AOX1: variants seen among roughly 807,000 people sequenced by gnomAD.
AOX1 encodes aldehyde oxidase 1.
AOX1 carries 153 observed loss-of-function variants against 169.5 expected under a neutral mutation model. The observed-to-expected ratio is 0.90, with a 90% CI of 0.79 to 1.03. The LOEUF is 1.03. Among genes scored for constraint, AOX1 ranks in the 50% least tolerant of loss-of-function variants. The pLI, the probability that AOX1 is intolerant of heterozygous loss-of-function variation, is 0.00. For missense variants in AOX1, 1,656 were observed against 1,663.9 expected, an observed-to-expected ratio of 1.00 and a Z score of 0.08; for synonymous variants, 562 against 581.9, an observed-to-expected ratio of 0.97 and a Z score of 0.49.
At chr2:200,681,717 G>A (rs1267103654), downstream of AOX1, among the ~76,000 whole-genome samples, 1 of 152,144 alleles carries the variant, frequency 6.6e-6, no homozygotes, top group Admixed American at 6.5e-5. Context: ...TTTTCCACAT[G>A]ACTGTTACAT....
Position 200,620,673 on chromosome 2 carries a change from T to G in AOX1, c.1728T>G (p.Pro576=). Residue 576 remains proline (P), a synonymous_variant, in exon 17 of 35, where the codon CCT becomes CCG. Transcript: ENST00000374700. ...KYQNIGPKQH[P]EDPIGHPIMH... The stretch of plus-strand genomic sequence containing the variant: ...AGAATATAGGCCCAAAGCAGCATCC[T>G]GAAGACCCAATTGGCCACCCCATCA... The G allele has an allele frequency of 6.4e-7, 1 of 1,561,374 alleles. No homozygotes were observed. Among genetic ancestry groups the G allele is most frequent in the Non-Finnish European group, 8.6e-7 (1 of 1,163,526 alleles).
Position 200,664,901 on chromosome 2 carries a change from C to T in AOX1, c.3544-1786C>T, listed in dbSNP as rs185527418. On this transcript the variant is annotated intron_variant, in intron 31 of 34. Transcript: ENST00000374700. The stretch of plus-strand genomic sequence containing the variant: ...ACACCACTTCTGAGGGGCTGGCCTC[C>T]GGGAGTGGCTTATCTGGGTGATTCT... Among the ~76,000 whole-genome samples, 68 of 152,314 alleles carry T rather than the reference C, an allele frequency of 4.5e-4. 1 individual carries two copies. The highest frequency in any genetic ancestry group is 1.6e-3 in the African/African-American group (66 of 41,572).
At chr2:200,655,012 G>A (rs1442344115) in intron 26 of AOX1, among the ~76,000 whole-genome samples, 1 of 152,132 alleles carries the variant, frequency 6.6e-6, no homozygotes, top group African/African-American at 2.4e-5. Flanking sequence ...ACACAATGTT[G>A]GAAAAGTATA....
chr2:200,641,508 G>A (rs942865405), intron 24 of AOX1, among the ~76,000 whole-genome samples: 8 of 151,986 alleles, frequency 5.3e-5, no homozygotes, highest in African/African-American at 9.7e-5. Context: ...CCTGCTCATT[G>A]TACCATCTTT....
In AOX1 at chr2:200,668,778, A is replaced by G; in HGVS notation, c.3773A>G (p.Asn1258Ser). ...LHIALLPPSQ[N>S]SNTLYSSKGL... is the part of the protein sequence containing the mutation. ...ATTGCTTTGTTGCCTCCTTCTCAAA[A>G]CTCAAATACTCTTTATTCATCTAAG... The change falls in exon 33 of 35, where the codon AAC becomes AGC. Residue 1258 changes from asparagine (N) to serine (S), a missense_variant. Physicochemically the swap from Asn to Ser is conservative, Grantham distance 46 (BLOSUM62 1). Coordinates refer to ENST00000374700, the MANE Select transcript of AOX1 (RefSeq NM_001159.4). 1 of 1,613,968 alleles carries G rather than the reference A, an allele frequency of 6.2e-7. No individual in the cohort carries two copies. Among genetic ancestry groups the G allele is most frequent in the South Asian group, 1.1e-5 (1 of 91,060 alleles).
Position 200,604,058 on chromosome 2 carries a change from G to A in AOX1, c.630G>A (p.Leu210=). Residue 210 remains leucine (L), a synonymous_variant, in exon 8 of 35, where the codon TTG becomes TTA. Coordinates refer to ENST00000374700, the MANE Select transcript of AOX1 (RefSeq NM_001159.4). ...TCGCAGAAGAGGAGTTTCTGCCATT[G>A]GATCCAACCCAGGAACTGATATTTC... ...KLFAEEEFLP[L]DPTQELIFPP... The A allele has an allele frequency of 6.2e-7, 1 of 1,613,500 alleles. No homozygotes were observed. The highest frequency in any genetic ancestry group is 8.5e-7 in the Non-Finnish European group (1 of 1,179,476).
chr2:200,638,348 A>G (rs571161046), intron 23 of AOX1, 46 bp downstream of exon 23: 2 of 1,559,032 alleles, frequency 1.3e-6, no homozygotes, highest in African/African-American at 1.4e-5. Flanking sequence ...TGTAGATACA[A>G]CATCCTATCA....
chr2:200,669,307 T>C (rs1248634211), intron 33 of AOX1, among the ~76,000 whole-genome samples: 1 of 152,020 alleles, frequency 6.6e-6, no homozygotes, highest in African/African-American at 2.4e-5. Flanking sequence ...TAGCCAGGTG[T>C]GGCGGTGCAT....
intron 2 of AOX1, 36 bp from the exon 3 acceptor site, chr2:200,595,236 C>T (rs371197625): frequency 7.0e-5 from 108 of 1,540,262 alleles, no homozygotes; most frequent in Non-Finnish European, 8.6e-5. Context: ...AAGAGAATTA[C>T]ATAACACATA....
intron 27 of AOX1, among the ~76,000 whole-genome samples, chr2:200,657,186 A>ATTT (rs1323706482): frequency 0.017 from 1,133 of 65,584 alleles, 17 homozygotes; most frequent in Non-Finnish European, 0.024. Context: ...ATATATATAT[A>ATTT]TATATTTTTT....
chr2:200,643,548 A>G (rs1021542219), intron 25 of AOX1, among the ~76,000 whole-genome samples: 2 of 152,036 alleles, frequency 1.3e-5, no homozygotes, highest in African/African-American at 4.8e-5. Flanking sequence ...TCGAATAACA[A>G]CTTGTTTTCC....
intron 26 of AOX1, among the ~76,000 whole-genome samples, chr2:200,654,233 A>C (rs13008443): frequency 1.4e-5 from 2 of 141,368 alleles, no homozygotes; most frequent in Non-Finnish European, 3.1e-5. Context: ...AAAAAAAAAA[A>C]CAGAAAAGAA....
chr2:200,621,172 A>T lies in AOX1; in HGVS notation c.1927A>T (p.Thr643Ser), dbSNP rs376178947. Residue 643 changes from threonine to serine, a missense_variant, in exon 18 of 35, where the codon ACA becomes TCA. Coordinates refer to ENST00000374700, the MANE Select transcript of AOX1 (RefSeq NM_001159.4). ...LSMPGVVDIM[T>S]AEHLSDVNSF... ...CATGCCCGGTGTGGTGGACATCATG[A>T]CAGCAGAACATCTTAGTGACGTCAA... 1 of 1,614,184 alleles carries T rather than the reference A, an allele frequency of 6.2e-7. No individual in the cohort carries two copies. The highest frequency in any genetic ancestry group is 8.5e-7 in the Non-Finnish European group (1 of 1,180,012).
chr2:200,590,715 C>A (rs1465249690), intron 1 of AOX1, among the ~76,000 whole-genome samples: 1 of 152,196 alleles, frequency 6.6e-6, no homozygotes, highest in East Asian at 1.9e-4. Flanking sequence ...TAGAAATATT[C>A]CTCAAGCCTA....
At chr2:200,644,518 G>A (rs1329666720) in intron 25 of AOX1, among the ~76,000 whole-genome samples, 1 of 152,146 alleles carries the variant, frequency 6.6e-6, no homozygotes, top group Non-Finnish European at 1.5e-5. Context: ...GCTTACTCTT[G>A]CTTTGGCTAT....
intron 12 of AOX1, among the ~76,000 whole-genome samples, chr2:200,610,261 G>T (rs1037946392): frequency 2.0e-5 from 3 of 152,056 alleles, no homozygotes; most frequent in Non-Finnish European, 2.9e-5. Context: ...TAATAGAGAT[G>T]TGGTTTCACT....
intron 15 of AOX1, among the ~76,000 whole-genome samples, chr2:200,615,713 T>C (rs909145652): frequency 2.0e-5 from 3 of 152,226 alleles, no homozygotes; most frequent in Non-Finnish European, 2.9e-5. Context: ...ATAAGAAACA[T>C]AGAGCTGGTG....
At chr2:200,640,357 A>G (rs910497221) in intron 23 of AOX1, among the ~76,000 whole-genome samples, 1 of 152,108 alleles carries the variant, frequency 6.6e-6, no homozygotes, top group East Asian at 1.9e-4. Flanking sequence ...TGGGGAGGGT[A>G]ACAGGATAGT....
At chr2:200,605,928 G>T (rs921267778) in intron 10 of AOX1, among the ~76,000 whole-genome samples, 1 of 152,260 alleles carries the variant, frequency 6.6e-6, no homozygotes. Flanking sequence ...CTCGCATTCT[G>T]TAGGTTGCCT....
Sources: gnomAD v4.1 joint callset for allele counts (sites outside exome capture counted in the v4.1 genomes callset) on GRCh38, gnomAD v4.1.1 for gene constraint, MANE v1.5 for transcripts, NCBI Gene and HGNC (gene_info 2026-07-23, HGNC 2026-07-21) for gene names.